Variants in ACACB observed in about 807,000 individuals in gnomAD.
ACACB encodes the protein acetyl-CoA carboxylase 2.
ACACB carries 209 observed loss-of-function variants against 278.8 expected under a neutral mutation model. The ratio of observed to expected loss-of-function variants is 0.75; its 90% CI spans 0.67 to 0.84. The LOEUF (loss-of-function observed/expected upper bound fraction) is 0.84. ACACB is among the 40% of genes least tolerant of loss of function. The probability of loss-of-function intolerance (pLI) is 0.00; values close to 1 mark genes in which losing one functional copy is unlikely to be tolerated. For synonymous variants in ACACB, 1,174 were observed against 1,285.6 expected, an observed-to-expected ratio of 0.91 and a Z score of 1.86; for missense variants, 2,850 against 3,269.0, an observed-to-expected ratio of 0.87 and a Z score of 3.13.
intron 2 of ACACB, among the ~76,000 whole-genome samples, chr12:109,152,251 G>A (rs1416030982): frequency 6.6e-6 from 1 of 152,086 alleles, no homozygotes; most frequent in Non-Finnish European, 1.5e-5. Flanking sequence ...GTAGGGTTGG[G>A]GTATTTTGAA....
At chr12:109,185,260 G>T (rs1344448456) in intron 11 of ACACB, among the ~76,000 whole-genome samples, 1 of 152,144 alleles carries the variant, frequency 6.6e-6, no homozygotes, top group Non-Finnish European at 1.5e-5. Context: ...AGCCAACATG[G>T]TTGCTTCTCA....
chr12:109,120,750 A>G (rs185854790), intron 1 of ACACB, among the ~76,000 whole-genome samples: 1 of 152,272 alleles, frequency 6.6e-6, no homozygotes, highest in Admixed American at 6.5e-5. Flanking sequence ...CACGTGTGCC[A>G]CACACGTGCA....
chr12:109,264,982 TG>T, intron 50 of ACACB, 127 bp from the exon 51 acceptor site: 2 of 1,077,744 alleles, frequency 1.9e-6, no homozygotes, highest in Non-Finnish European at 2.7e-6. Flanking sequence ...CTTACTTGCC[TG>T]GGATGATCTG....
intron 34 of ACACB, 43 bp downstream of exon 34, chr12:109,237,423 C>A: frequency 1.3e-6 from 2 of 1,552,692 alleles, no homozygotes; most frequent in East Asian, 2.4e-5. Flanking sequence ...AGAACCTGGC[C>A]CTCCCTTCCT....
intron 11 of ACACB, among the ~76,000 whole-genome samples, chr12:109,183,447 TTC>T (rs2044547847): frequency 1.3e-5 from 2 of 152,346 alleles, no homozygotes; most frequent in East Asian, 3.9e-4. Flanking sequence ...GTGTGTCCTC[TTC>T]AATTTCTCAC....
At chr12:109,133,417 G>A (rs2042881811) in intron 1 of ACACB, among the ~76,000 whole-genome samples, 1 of 152,036 alleles carries the variant, frequency 6.6e-6, no homozygotes, top group Admixed American at 6.6e-5. Context: ...TTTTTGTGGA[G>A]ACGGGGTTTC....
At chr12:109,225,675 C>G (rs2046293078) in intron 27 of ACACB, among the ~76,000 whole-genome samples, 1 of 152,236 alleles carries the variant, frequency 6.6e-6, no homozygotes, top group Admixed American at 6.5e-5. Flanking sequence ...ATTTCCTGTT[C>G]AGTTGAAAAG....
At chr12:109,240,509 T>C (rs762291780) in intron 35 of ACACB, among the ~76,000 whole-genome samples, 1 of 150,592 alleles carries the variant, frequency 6.6e-6, no homozygotes, top group African/African-American at 2.4e-5. Context: ...ATTTTAAAAA[T>C]TAAAAAATAA....
chr12:109,222,838 C>A lies in ACACB; in HGVS notation c.3718C>A (p.His1240Asn), dbSNP rs371205831. ...ASHLPSYELR[H>N]NQVESIFLSA... ...CCACCTCCCCTCCTACGAGCTGCGG[C>A]ATAACCAGGTGGAGTCCATTTTCCT... Residue 1240 changes from histidine to asparagine, a missense_variant, in exon 26 of 53, where the codon CAT (histidine) becomes AAT (asparagine). By Grantham distance (68) the His-to-Asn change is moderately conservative. Around this residue, in one of 3 missense-constraint regions of ACACB, gnomAD observed 2,265 missense variants for 2,561.3 expected, o/e 0.88. Coordinates refer to ENST00000338432, the MANE Select transcript of ACACB (RefSeq NM_001093.4). The A allele has an allele frequency of 4.6e-5, 75 of 1,613,820 alleles. No homozygotes were observed. The highest frequency in any genetic ancestry group is 2.2e-4 in the Admixed American group (13 of 59,994).
chr12:109,248,279 T>G (rs2047002403), intron 40 of ACACB, among the ~76,000 whole-genome samples: 1 of 152,164 alleles, frequency 6.6e-6, no homozygotes. Context: ...CATGCTGTAT[T>G]AGTCAGCGTT....
chr12:109,240,988 A>T, intron 35 of ACACB, 90 bp from the exon 36 acceptor site: 26 of 1,331,252 alleles, frequency 2.0e-5, no homozygotes, highest in Non-Finnish European at 2.8e-5. Flanking sequence ...TGCAGTCAGT[A>T]TATCTCATCC....
chr12:109,183,811 C>A (rs1258348485), intron 11 of ACACB, among the ~76,000 whole-genome samples: 1 of 151,656 alleles, frequency 6.6e-6, no homozygotes, highest in East Asian at 1.9e-4. Flanking sequence ...TCCTTCCTTC[C>A]TTCTTTCTTC....
At chr12:109,188,201 CCTTCCTT>C (rs775690097) in intron 13 of ACACB, 39 bp downstream of exon 13, 3 of 1,301,930 alleles carry the variant, frequency 2.3e-6, no homozygotes, top group Non-Finnish European at 3.2e-6. Flanking sequence ...TTCCTTCCTT[CCTTCCTT>C]CCTTCCTTCC....
At chr12:109,223,343 C>A (rs1326612634) in intron 26 of ACACB, among the ~76,000 whole-genome samples, 1 of 152,132 alleles carries the variant, frequency 6.6e-6, no homozygotes, top group Non-Finnish European at 1.5e-5. Context: ...TCTTCACCAG[C>A]TCTCCTATGA....
upstream of ACACB, among the ~76,000 whole-genome samples, chr12:109,112,627 G>C (rs1003622560): frequency 3.3e-5 from 5 of 149,660 alleles, no homozygotes; most frequent in Admixed American, 6.7e-5. Flanking sequence ...ACTTGAACCC[G>C]GGCGATCGCA....
chr12:109,253,297 C>T, intron 43 of ACACB, 139 bp downstream of exon 43: 2 of 924,458 alleles, frequency 2.2e-6, no homozygotes, highest in Admixed American at 2.7e-5. Context: ...GTTGATTTTT[C>T]TTACTCCTTC....
intron 2 of ACACB, among the ~76,000 whole-genome samples, chr12:109,162,607 G>C (rs1288033008): frequency 1.4e-5 from 2 of 146,894 alleles, no homozygotes; most frequent in African/African-American, 5.3e-5. Context: ...CACAGTTGAG[G>C]GCATGGGGCC....
At chr12:109,202,507 G>T (rs1427266571) in intron 19 of ACACB, among the ~76,000 whole-genome samples, 1 of 152,090 alleles carries the variant, frequency 6.6e-6, no homozygotes, top group East Asian at 1.9e-4. Context: ...TAGAGACAGG[G>T]TTTCACCATG....
chr12:109,180,925 C>G (rs2044444322), intron 11 of ACACB, among the ~76,000 whole-genome samples: 1 of 152,220 alleles, frequency 6.6e-6, no homozygotes, highest in African/African-American at 2.4e-5. Context: ...TATTCATTCT[C>G]TTAATCACTA....
Sources: allele counts gnomAD v4.1 joint callset (sites outside exome capture counted in the v4.1 genomes callset), GRCh38; gene constraint gnomAD v4.1.1; regional missense constraint gnomAD v4.1.1; transcripts MANE v1.5; gene names NCBI Gene and HGNC (gene_info 2026-07-23, HGNC 2026-07-21).